The following VGLL3 variants were observed in gnomAD, a reference collection of about 807,000 sequenced individuals.
VGLL3 encodes transcription cofactor vestigial-like protein 3.
In VGLL3, 18 loss-of-function variants were observed where a neutral mutation model predicts 29.2. The observed-to-expected ratio is 0.62, with a 90% confidence interval of 0.43 to 0.91. VGLL3 has a LOEUF of 0.91. VGLL3 is among the 40% of genes least tolerant of loss of function. The pLI is 0.00. For synonymous variants in VGLL3, 180 were observed against 151.8 expected (o/e 1.19, Z -1.36); for missense variants, 440 against 413.2 (o/e 1.06, Z -0.56).
At chr3:86,952,918 T>C (rs1240345621) in intron 3 of VGLL3, among the ~76,000 whole-genome samples, 1 of 152,184 alleles carries the variant, frequency 6.6e-6, no homozygotes, top group East Asian at 1.9e-4. Flanking sequence ...TCACTGTTAA[T>C]GATCATACAA....
chr3:86,970,581 A>G (rs948654805), intron 2 of VGLL3, among the ~76,000 whole-genome samples: 5 of 152,114 alleles, frequency 3.3e-5, no homozygotes, highest in Non-Finnish European at 5.9e-5. Context: ...GTGGCAACAG[A>G]AAAATTGAGA....
Position 86,949,952 on chromosome 3 carries a change from C to T in VGLL3, c.938-2885G>A, listed in dbSNP as rs548381770. ...GTCAACAAGTACATTTAGTTTTTCC[C>T]AGTGAGGGTGGAGGGGGGCAAAATT... On this transcript the variant is annotated intron_variant, in intron 3 of 3. Transcript: ENST00000398399. Among the ~76,000 whole-genome samples the T allele has an allele frequency of 7.9e-5, 12 of 152,076 alleles. No homozygotes were observed. The East Asian group carries it at 1.7e-3, about 22-fold the overall frequency.
chr3:86,982,186 C>T (rs1705338405), intron 1 of VGLL3, among the ~76,000 whole-genome samples: 1 of 151,840 alleles, frequency 6.6e-6, no homozygotes, highest in African/African-American at 2.4e-5. Flanking sequence ...CTCTTGTTGC[C>T]CAGGCTGGAG....
chr3:86,982,450 T>A (rs1302702927), intron 1 of VGLL3, among the ~76,000 whole-genome samples: 5 of 118,804 alleles, frequency 4.2e-5, no homozygotes, highest in Non-Finnish European at 7.9e-5. Flanking sequence ...CCAGCTCTGC[T>A]TTTTTTTTTT....
rs971812316 is a variant in VGLL3, at chr3:86,991,061, G to T, written c.-318C>A. 6 of 514,398 alleles carry T rather than the reference G, an allele frequency of 1.2e-5. No individual in the cohort carries two copies. The highest frequency in any genetic ancestry group is 1.0e-4 in the African/African-American group (5 of 48,338). 31.9% of individuals were successfully genotyped at this position (514,398 alleles called of 1,614,324 possible). On this transcript the variant is annotated 5_prime_UTR_variant, in exon 1 of 4. Coordinates refer to ENST00000398399, the MANE Select transcript of VGLL3 (RefSeq NM_016206.4). ...ATTACCGCGTCCGGCTCCCGCGAGG[G>T]CTGCGGCGCCCACGGCAGCGCCAGT...
At chr3:86,973,633 A>T (rs575174925) in intron 2 of VGLL3, among the ~76,000 whole-genome samples, 1 of 152,300 alleles carries the variant, frequency 6.6e-6, no homozygotes, top group South Asian at 2.1e-4. Flanking sequence ...GCAGGGTGAG[A>T]TTAGTCACGC....
intron 1 of VGLL3, among the ~76,000 whole-genome samples, chr3:86,979,705 CA>C (rs1705283660): frequency 6.6e-6 from 1 of 151,786 alleles, no homozygotes; most frequent in East Asian, 1.9e-4. Flanking sequence ...AGTTACTTGC[CA>C]AAAGTCACAA....
At chr3:86,954,926 T>G (rs565443630) in intron 3 of VGLL3, among the ~76,000 whole-genome samples, 2 of 135,810 alleles carry the variant, frequency 1.5e-5, no homozygotes, top group Non-Finnish European at 3.0e-5. Flanking sequence ...CTTGGATCAC[T>G]TATTGTAACC....
At chr3:86,968,556 C>T in intron 3 of VGLL3, 34 bp downstream of exon 3, 2 of 1,554,332 alleles carry the variant, frequency 1.3e-6, no homozygotes, top group Non-Finnish European at 1.7e-6. Flanking sequence ...TTAACTTTAT[C>T]TTGTTATAGG....
intron 1 of VGLL3, among the ~76,000 whole-genome samples, chr3:86,980,853 A>C (rs1352033574): frequency 6.6e-6 from 1 of 152,018 alleles, no homozygotes; most frequent in Non-Finnish European, 1.5e-5. Context: ...ATGAAAAAAA[A>C]AAACCCTAAA....
chr3:86,976,850 T>C (rs1705219640), intron 2 of VGLL3, among the ~76,000 whole-genome samples: 1 of 152,242 alleles, frequency 6.6e-6, no homozygotes, highest in Non-Finnish European at 1.5e-5. Context: ...TTATATTTAT[T>C]ACTCTCCTGG....
rs920453212 is a variant in VGLL3 at position 86,945,430 on chromosome 3, G to A, written c.*1594C>T. On this transcript the variant is annotated 3_prime_UTR_variant, in exon 4 of 4. Coordinates refer to ENST00000398399, the MANE Select transcript of VGLL3 (RefSeq NM_016206.4). ...TTTTATGTGGGTGGAGAGAAAAATG[G>A]GAGAAATTTGAAAAAACCTCTTTAT... is the stretch of plus-strand genomic sequence containing the variant. 2.0e-5 allele frequency: 3 copies of A among 151,998 alleles called. No homozygotes were observed. Among genetic ancestry groups the A allele is most frequent in the African/African-American group, 7.2e-5 (3 of 41,384 alleles). The allele number at this position is 151,998 out of a possible 1,614,324, so 9.4% of individuals were successfully genotyped here. A position where few individuals can be genotyped will look rare whatever the true frequency, so the allele number is the denominator to read the frequency against.
At chr3:86,987,391 C>T (rs1575882952) in intron 1 of VGLL3, among the ~76,000 whole-genome samples, 1 of 152,108 alleles carries the variant, frequency 6.6e-6, no homozygotes, top group Non-Finnish European at 1.5e-5. Flanking sequence ...CCAGCTGTTA[C>T]CCTGGAAGAG....
At position 86,938,974 on chromosome 3, in the gene VGLL3, G is replaced by A. The variant is rs1445282551; in HGVS notation, c.*8050C>T. The A allele has an allele frequency of 6.6e-6, 1 of 152,172 alleles. No homozygotes were observed. The highest frequency in any genetic ancestry group is 2.4e-5 in the African/African-American group (1 of 41,446). The allele number at this position is 152,172 out of a possible 1,614,324, so 9.4% of individuals were successfully genotyped here. ...CCCAGAGAAAACACACTTCAGCTAG[G>A]AAGAATCTGCACTAGATGACCTGTT... On this transcript the variant is annotated 3_prime_UTR_variant, in exon 4 of 4. Coordinates refer to ENST00000398399, the MANE Select transcript of VGLL3 (RefSeq NM_016206.4).
In VGLL3 at chr3:86,938,771, G is replaced by A. The variant is rs1374804526; in HGVS notation, c.*8253C>T. The stretch of plus-strand genomic sequence containing the variant: ...TCCACTGCTTAACTGATAGCAGATG[G>A]AGTGATTCAATCTGGACAAAAGTGT... On this transcript the variant is annotated 3_prime_UTR_variant, in exon 4 of 4. Transcript: ENST00000398399. 6.6e-6 allele frequency: 1 copy of A among 152,598 alleles called. No homozygotes were observed. The highest frequency in any genetic ancestry group is 1.9e-4 in the East Asian group (1 of 5,188). The allele number at this position is 152,598 out of a possible 1,614,324, so 9.5% of individuals were successfully genotyped here.
chr3:86,948,572 TATA>T (rs1456695400), intron 3 of VGLL3, among the ~76,000 whole-genome samples: 2 of 115,598 alleles, frequency 1.7e-5, no homozygotes, highest in African/African-American at 6.0e-5. Context: ...AAACTTTAAG[TATA>T]ATAATAATAA....
At chr3:86,990,366 G>C (rs1705552945) in intron 1 of VGLL3, 1 of 985,398 alleles carries the variant, frequency 1.0e-6, no homozygotes, top group Non-Finnish European at 1.2e-6. Flanking sequence ...GGGTGCCTAG[G>C]AGGAGCAGCC....
chr3:86,963,323 AAAAAAGACAC>A (rs1704895272), intron 3 of VGLL3, among the ~76,000 whole-genome samples: 1 of 152,238 alleles, frequency 6.6e-6, no homozygotes, highest in Admixed American at 6.5e-5. Context: ...ACACAAAGTG[AAAAAAGACAC>A]AAAAAGCCAC....
Position 86,968,837 on chromosome 3 carries a change from G to A in VGLL3, c.690C>T (p.His230=), listed in dbSNP as rs747568996. The A allele has an allele frequency of 6.2e-7, 1 of 1,614,170 alleles. No homozygotes were observed. Among genetic ancestry groups the A allele is most frequent in the South Asian group, 1.1e-5 (1 of 91,076 alleles). The part of the protein sequence containing the change: ...SHMHDVYMRH[H]HPHAHMHHRH... ...GGTGGTGCATGTGGGCATGAGGGTG[G>A]TGGTGCCGCATGTACACGTCATGCA... The change falls in exon 3 of 4, where the codon CAC becomes CAT. Residue 230 remains histidine, a synonymous_variant. Transcript: ENST00000398399.
Sources: allele counts gnomAD v4.1 joint callset (sites outside exome capture counted in the v4.1 genomes callset), GRCh38; gene constraint gnomAD v4.1.1; transcripts MANE v1.5; gene names NCBI Gene and HGNC (gene_info 2026-07-23, HGNC 2026-07-21).